GLIS1: variants seen among roughly 807,000 people sequenced by gnomAD.
GLIS1 encodes GLIS family zinc finger 1, also known as zinc finger protein GLIS1.
Under a neutral mutation model 63.8 loss-of-function variants are expected in GLIS1, and 24 were observed. The observed-to-expected ratio is 0.38, with a 90% confidence interval of 0.27 to 0.53. The LOEUF (loss-of-function observed/expected upper bound fraction) is 0.53. GLIS1 is among the 20% of genes least tolerant of loss of function. GLIS1 has a pLI of 0.85. For missense variants in GLIS1, 1,036 were observed against 1,074.1 expected (o/e 0.96, Z 0.50); for synonymous variants, 450 against 482.5 (o/e 0.93, Z 0.88).
At chr1:53,719,144 A>G (rs1646728011) in intron 2 of GLIS1, among the ~76,000 whole-genome samples, 1 of 152,216 alleles carries the variant, frequency 6.6e-6, no homozygotes, top group South Asian at 2.1e-4. Context: ...CCTCTGCCCC[A>G]TCGTTGGCAG....
chr1:53,516,036 G>A (rs989072248), intron 7 of GLIS1, among the ~76,000 whole-genome samples: 4 of 152,126 alleles, frequency 2.6e-5, no homozygotes, highest in Non-Finnish European at 5.9e-5. Flanking sequence ...TCCAGCAGAT[G>A]CCCTGGGAGG....
In GLIS1 at chr1:53,560,622, T is replaced by A. The variant is rs952687720; in HGVS notation, c.1321-30670A>T. ...TTTGGCTGGTGGACCCCAGGTCCTGTTGGCATCACTGGCTTTGCACTGCCT... is the reference window on the plus strand; with the variant it reads ...TTTGGCTGGTGGACCCCAGGTCCTGATGGCATCACTGGCTTTGCACTGCCT... On this transcript the variant is annotated intron_variant, in intron 4 of 10. Coordinates refer to ENST00000628545, the MANE Select transcript of GLIS1 (RefSeq NM_001367484.1). This position sits in a 1 kb window ranked among gnomAD's most constrained non-coding sequence, Gnocchi z 4.4. 6.6e-6 allele frequency among the ~76,000 whole-genome samples: 1 copy of A among 152,200 alleles called. No homozygotes were observed. Among genetic ancestry groups the A allele is most frequent in the Non-Finnish European group, 1.5e-5 (1 of 68,024 alleles).
intron 2 of GLIS1, among the ~76,000 whole-genome samples, chr1:53,681,519 G>A (rs1019456342): frequency 2.0e-5 from 3 of 152,262 alleles, no homozygotes; most frequent in African/African-American, 7.2e-5. Context: ...TAAAATGGGA[G>A]AAGTGGATGC....
At chr1:53,565,126 G>C (rs1439899880) in intron 4 of GLIS1, among the ~76,000 whole-genome samples, 1 of 151,806 alleles carries the variant, frequency 6.6e-6, no homozygotes, top group Admixed American at 6.6e-5. Context: ...AAAATTAAAG[G>C]CCCACTGCAT....
intron 2 of GLIS1, among the ~76,000 whole-genome samples, chr1:53,700,118 G>C (rs1470852546): frequency 6.6e-6 from 1 of 152,210 alleles, no homozygotes; most frequent in Non-Finnish European, 1.5e-5. Context: ...CGCTCAGCCA[G>C]GGTCTCAGCC....
intron 2 of GLIS1, chr1:53,734,350 G>T: frequency 3.6e-6 from 1 of 275,468 alleles, no homozygotes; most frequent in Non-Finnish European, 5.5e-6. Context: ...AATTCCCAAA[G>T]ATGTGAGACA....
At chr1:53,543,699 A>C (rs938487989) in intron 4 of GLIS1, among the ~76,000 whole-genome samples, 10 of 152,152 alleles carry the variant, frequency 6.6e-5, no homozygotes, top group South Asian at 4.2e-4. Context: ...TAAAACCCCA[A>C]ATCGCCAGCT....
rs184915614 is a variant in GLIS1, at chr1:53,577,827, C to T, written c.1320+16281G>A. Reference sequence around the variant, plus strand: ...TCACTATGGCCAGGATTGGTTTCTGCTGCTTGTAACTAAGGAACCTGGCAG... The same window carrying T: ...TCACTATGGCCAGGATTGGTTTCTGTTGCTTGTAACTAAGGAACCTGGCAG... On this transcript the variant is annotated intron_variant, in intron 4 of 10. Transcript: ENST00000628545. Among the ~76,000 whole-genome samples, 5 of 152,216 alleles carry T rather than the reference C, an allele frequency of 3.3e-5. No homozygotes were observed. In the East Asian group the frequency reaches 9.7e-4, roughly 29 times the overall value.
intron 2 of GLIS1, among the ~76,000 whole-genome samples, chr1:53,694,161 G>A (rs567141431): frequency 1.3e-5 from 2 of 152,306 alleles, no homozygotes; most frequent in Admixed American, 1.3e-4. Context: ...CTGGGGTCAG[G>A]GCAGGTCTAG....
At chr1:53,602,185 G>A (rs1480715755) in intron 2 of GLIS1, among the ~76,000 whole-genome samples, 1 of 152,156 alleles carries the variant, frequency 6.6e-6, no homozygotes, top group Non-Finnish European at 1.5e-5. Flanking sequence ...TTAATAACTG[G>A]GTTGTTTTTT....
intron 2 of GLIS1, among the ~76,000 whole-genome samples, chr1:53,622,867 T>C (rs1474516404): frequency 6.6e-6 from 1 of 152,264 alleles, no homozygotes; most frequent in African/African-American, 2.4e-5. Context: ...AATTTGTGGG[T>C]AATTTGTCGC....
intron 4 of GLIS1, 82 bp from the exon 5 acceptor site, chr1:53,530,034 T>TGGG: frequency 7.4e-7 from 1 of 1,354,634 alleles, no homozygotes; most frequent in Non-Finnish European, 1.0e-6. Flanking sequence ...CAGGCCTGCC[T>TGGG]GGCCCCAGCA....
Position 53,509,153 on chromosome 1 carries a change from A to G in GLIS1, c.2197T>C (p.Tyr733His). Residue 733 changes from tyrosine (Y) to histidine (H), a missense_variant, in exon 10 of 11, where the codon TAC becomes CAC. Transcript: ENST00000628545. ...GGCAAGGGCGTGCTGAGGCTGTGGT[A>G]GCCATTGGGCCGCAGGGGGTTGAAA... ...HGFNPLRPNG[Y>H]HSLSTPLPAT... is the part of the protein sequence containing the mutation. 1.3e-6 allele frequency: 2 copies of G among 1,595,144 alleles called. No homozygotes were observed. Among genetic ancestry groups the G allele is most frequent in the South Asian group, 1.1e-5 (1 of 88,512 alleles).
chr1:53,719,786 TA>T (rs986499855), intron 2 of GLIS1, among the ~76,000 whole-genome samples: 10 of 152,188 alleles, frequency 6.6e-5, no homozygotes, highest in African/African-American at 2.4e-4. Flanking sequence ...GAAAACAGTA[TA>T]AAGGTTCCTC....
intron 4 of GLIS1, among the ~76,000 whole-genome samples, chr1:53,544,671 G>A (rs1389844464): frequency 6.6e-6 from 1 of 152,092 alleles, no homozygotes; most frequent in South Asian, 2.1e-4. Flanking sequence ...CCCTCTCCAG[G>A]TTCCTGTTAC....
At chr1:53,670,944 G>A (rs530528854) in intron 2 of GLIS1, among the ~76,000 whole-genome samples, 5 of 152,348 alleles carry the variant, frequency 3.3e-5, no homozygotes, top group Admixed American at 3.3e-4. Flanking sequence ...TTATATCAGG[G>A]TGTGTGCAGG....
intron 2 of GLIS1, among the ~76,000 whole-genome samples, chr1:53,680,408 A>G (rs1023578977): frequency 2.6e-5 from 4 of 152,340 alleles, no homozygotes; most frequent in African/African-American, 9.6e-5. Context: ...CAGTGGCACC[A>G]GTACTGGGGT....
chr1:53,518,038 C>T (rs910868869), intron 7 of GLIS1, among the ~76,000 whole-genome samples: 1 of 152,252 alleles, frequency 6.6e-6, no homozygotes, highest in Non-Finnish European at 1.5e-5. Flanking sequence ...AATCATCAGC[C>T]GTGAGCGCTT....
chr1:53,689,509 G>A (rs1646378685), intron 2 of GLIS1, among the ~76,000 whole-genome samples: 1 of 152,128 alleles, frequency 6.6e-6, no homozygotes, highest in Non-Finnish European at 1.5e-5. Context: ...CCAGACCAGA[G>A]CAAGTGACCA....
Sources: gnomAD v4.1 joint callset for allele counts (sites outside exome capture counted in the v4.1 genomes callset) on GRCh38, gnomAD v4.1.1 for gene constraint, Gnocchi (gnomAD v3.1) non-coding constraint, MANE v1.5 for transcripts, NCBI Gene and HGNC (gene_info 2026-07-23, HGNC 2026-07-21) for gene names.